Variants in CADM1 observed in about 807,000 individuals in gnomAD.
CADM1 encodes TSLC-1.
In CADM1, 15 loss-of-function variants were observed where a neutral mutation model predicts 53.1. That is an observed-to-expected ratio of 0.28 (90% confidence interval 0.19 to 0.44). The LOEUF is 0.44. CADM1 is among the 20% of genes least tolerant of loss of function. CADM1 has a pLI of 1.00. For synonymous variants in CADM1, 281 were observed against 243.0 expected (o/e 1.16, Z -1.45); for missense variants, 434 against 611.3 (o/e 0.71, Z 3.06).
chr11:115,315,515 CAG>C (rs1433343451), intron 1 of CADM1, among the ~76,000 whole-genome samples: 2 of 152,102 alleles, frequency 1.3e-5, no homozygotes, highest in African/African-American at 4.8e-5. Context: ...TATACAAACT[CAG>C]AAACTTTTTT....
chr11:115,295,162 A>G (rs1944016655), intron 1 of CADM1, among the ~76,000 whole-genome samples: 1 of 151,962 alleles, frequency 6.6e-6, no homozygotes, highest in African/African-American at 2.4e-5. Flanking sequence ...TTGTTTCTAC[A>G]CTCTGACGCA....
intron 9 of CADM1, among the ~76,000 whole-genome samples, chr11:115,196,594 C>CT (rs1555038002): frequency 1.7e-4 from 2 of 12,040 alleles, no homozygotes; most frequent in Admixed American, 1.7e-3. Flanking sequence ...AGCTGATGAA[C>CT]TAAAAAAAAA....
At chr11:115,218,248 AT>A (rs1941269241) in intron 5 of CADM1, 1 of 459,042 alleles carries the variant, frequency 2.2e-6, no homozygotes, top group East Asian at 4.4e-5. Context: ...TGTGAAATAC[AT>A]TTTGTTACAC....
intron 1 of CADM1, among the ~76,000 whole-genome samples, chr11:115,439,972 C>G (rs993875694): frequency 6.6e-6 from 1 of 152,210 alleles, no homozygotes; most frequent in African/African-American, 2.4e-5. Flanking sequence ...TTCAGCTCTA[C>G]AAGTGGCAGA....
intron 1 of CADM1, among the ~76,000 whole-genome samples, chr11:115,303,117 G>T (rs1019674362): frequency 6.6e-6 from 1 of 152,040 alleles, no homozygotes; most frequent in African/African-American, 2.4e-5. Flanking sequence ...GTTCAGATGG[G>T]TGTGGTACAA....
At chr11:115,332,454 G>C (rs909109415) in intron 1 of CADM1, among the ~76,000 whole-genome samples, 2 of 152,160 alleles carry the variant, frequency 1.3e-5, no homozygotes, top group Non-Finnish European at 2.9e-5. Context: ...TATTAGTAAA[G>C]CCATCAAAAG....
chr11:115,298,553 C>T (rs1944139460), intron 1 of CADM1, among the ~76,000 whole-genome samples: 1 of 152,164 alleles, frequency 6.6e-6, no homozygotes, highest in Admixed American at 6.5e-5. Context: ...GAGACTTTAG[C>T]TCCGTATGTT....
chr11:115,264,712 T>TA (rs1194944739), intron 1 of CADM1, among the ~76,000 whole-genome samples: 1 of 152,210 alleles, frequency 6.6e-6, no homozygotes, highest in African/African-American at 2.4e-5. Context: ...TTGTCATCTA[T>TA]AAAAATGGAA....
At position 115,169,809 on chromosome 11, in the gene CADM1, G is replaced by T; in HGVS notation, c.*6665C>A. ...TTGCACTTGCCAGCATCCATTGCAG[G>T]TTTAAACGATGAAATACACAACTAC... On this transcript the variant is annotated 3_prime_UTR_variant, in exon 12 of 12. Coordinates refer to ENST00000331581, the MANE Select transcript of CADM1 (RefSeq NM_001301043.2). 3.4e-6 allele frequency: 1 copy of T among 296,452 alleles called. No individual in the cohort carries two copies. The allele number at this position is 296,452 out of a possible 1,614,324, so 18.4% of individuals were successfully genotyped here.
At chr11:115,484,280 T>C (rs962381399) in intron 1 of CADM1, among the ~76,000 whole-genome samples, 2 of 152,198 alleles carry the variant, frequency 1.3e-5, no homozygotes, top group African/African-American at 4.8e-5. Context: ...GGGCAAACAT[T>C]AATCTACCTA....
chr11:115,309,892 T>C (rs1944485693), intron 1 of CADM1, among the ~76,000 whole-genome samples: 1 of 152,172 alleles, frequency 6.6e-6, no homozygotes, highest in Non-Finnish European at 1.5e-5. Flanking sequence ...GAATAATCCC[T>C]AGCCTCATGC....
At chr11:115,198,029 C>CTA (rs1428672330) in intron 9 of CADM1, among the ~76,000 whole-genome samples, 3 of 152,122 alleles carry the variant, frequency 2.0e-5, no homozygotes, top group Non-Finnish European at 4.4e-5. Context: ...GGACTATGGC[C>CTA]TATATATAAA....
chr11:115,322,493 A>G (rs1944849800), intron 1 of CADM1, among the ~76,000 whole-genome samples: 1 of 152,236 alleles, frequency 6.6e-6, no homozygotes, highest in Non-Finnish European at 1.5e-5. Context: ...TTGTGCAACT[A>G]TCACTACTAT....
chr11:115,344,592 C>T (rs1402440756), intron 1 of CADM1, among the ~76,000 whole-genome samples: 1 of 152,098 alleles, frequency 6.6e-6, no homozygotes, highest in Non-Finnish European at 1.5e-5. Flanking sequence ...TTACAAAATC[C>T]TTCCTATAGT....
intron 10 of CADM1, among the ~76,000 whole-genome samples, chr11:115,185,699 G>C (rs1939510149): frequency 6.6e-6 from 1 of 152,202 alleles, no homozygotes; most frequent in Non-Finnish European, 1.5e-5. Flanking sequence ...TCTCATGATA[G>C]CACAGATTTA....
intron 1 of CADM1, among the ~76,000 whole-genome samples, chr11:115,368,015 A>T (rs1565390314): frequency 6.6e-6 from 1 of 151,858 alleles, no homozygotes; most frequent in Non-Finnish European, 1.5e-5. Flanking sequence ...CATATTATAG[A>T]ACATATTTAA....
chr11:115,335,283 A>G (rs1945239075), intron 1 of CADM1, among the ~76,000 whole-genome samples: 2 of 152,164 alleles, frequency 1.3e-5, no homozygotes, highest in South Asian at 4.1e-4. Context: ...CACAAAGGAC[A>G]TGTTTTTGTG....
intron 1 of CADM1, among the ~76,000 whole-genome samples, chr11:115,343,961 T>G (rs1435988208): frequency 1.3e-5 from 2 of 152,124 alleles, no homozygotes; most frequent in Non-Finnish European, 2.9e-5. Flanking sequence ...AGTACTAAAA[T>G]TTGGTAATTA....
Position 115,451,354 on chromosome 11 carries a change from T to C in CADM1, c.124+52917A>G, listed in dbSNP as rs565831617. Among the ~76,000 whole-genome samples, 13 of 152,314 alleles carry C rather than the reference T, an allele frequency of 8.5e-5. No homozygotes were observed. The East Asian group carries it at 2.5e-3, about 29-fold the overall frequency. ...GTCTTTCTGCATTGATACAGGTATG[T>C]AAGAATTCAGCACAATCCCAGGGTT... On this transcript the variant is annotated intron_variant, in intron 1 of 11. Transcript: ENST00000331581.
Sources: allele counts gnomAD v4.1 joint callset (sites outside exome capture counted in the v4.1 genomes callset), GRCh38; gene constraint gnomAD v4.1.1; transcripts MANE v1.5; gene names NCBI Gene and HGNC (gene_info 2026-07-23, HGNC 2026-07-21).